CHKA: variants seen among roughly 807,000 people sequenced by gnomAD.
CHKA encodes choline kinase alpha.
In CHKA, 34 loss-of-function variants were observed where a neutral mutation model predicts 60.1. That is an observed-to-expected ratio of 0.57 (90% CI 0.43 to 0.75). The LOEUF (loss-of-function observed/expected upper bound fraction) is 0.75, where lower values mean the gene tolerates loss of function less well. Among genes scored for constraint, CHKA ranks in the 30% least tolerant of loss-of-function variants. The pLI, the probability that CHKA is intolerant of heterozygous loss-of-function variation, is 0.00. For missense variants in CHKA, 563 were observed against 561.3 expected, an observed-to-expected ratio of 1.00 and a Z score of -0.03; for synonymous variants, 217 against 223.1, an observed-to-expected ratio of 0.97 and a Z score of 0.24.
In CHKA at chr11:68,073,430, G is replaced by T. The variant is rs1049714565; in HGVS notation, c.630+1287C>A. ...GCACTTTGGGAGGCCAAGGCGGGTG[G>T]ATCACCTGAGGTCGGGAGTTCGAGA... On this transcript the variant is annotated intron_variant, in intron 4 of 11. Transcript: ENST00000265689. Among the ~76,000 whole-genome samples the T allele has an allele frequency of 2.6e-5, 4 of 152,174 alleles. 1 individual carries two copies. The highest frequency in any genetic ancestry group is 5.9e-5 in the Non-Finnish European group (4 of 68,036).
Position 68,054,031 on chromosome 11 carries a change from C to T in CHKA, c.1331G>A (p.Arg444Lys), listed in dbSNP as rs1565168504. The change falls in exon 12 of 12, where the codon AGG (arginine) becomes AAG (lysine). Residue 444 changes from arginine (R) to lysine (K), a missense_variant. Physicochemically the swap from Arg to Lys is conservative, Grantham distance 26. Coordinates refer to ENST00000265689, the MANE Select transcript of CHKA (RefSeq NM_001277.3). ...EFGYMDYAQA[R>K]FDAYFHQKRK... ...CTTCTGGTGGAAATAGGCATCAAAC[C>T]TTGCTTGGGCGTAGTCCTAGGAGAC... 2 of 1,613,248 alleles carry T rather than the reference C, an allele frequency of 1.2e-6. No individual in the cohort carries two copies. Among genetic ancestry groups the T allele is most frequent in the Non-Finnish European group, 8.5e-7 (1 of 1,179,640 alleles).
chr11:68,112,091 C>G (rs1321575033), intron 1 of CHKA, among the ~76,000 whole-genome samples: 14 of 23,714 alleles, frequency 5.9e-4, no homozygotes, highest in African/African-American at 2.7e-3. Context: ...CCTGGAACAA[C>G]GGGACGTCCA....
intron 1 of CHKA, among the ~76,000 whole-genome samples, chr11:68,113,100 A>AG: frequency 7.0e-6 from 1 of 142,536 alleles, no homozygotes; most frequent in East Asian, 2.0e-4. Flanking sequence ...AAAAAAAAAA[A>AG]AAAAAAAAAA....
chr11:68,121,040 C>G lies in CHKA; in HGVS notation c.138G>C (p.Lys46Asn), dbSNP rs974591228. ...QRDAASDLES[K>N]QLGGQQPPLA... ...GCGGCGGCTGTTGGCCGCCCAGCTG[C>G]TTGGACTCGAGGTCGCTGGCGGCGT... The change falls in exon 1 of 12, where the codon AAG (lysine) becomes AAC (asparagine). Residue 46 changes from lysine (K) to asparagine (N), a missense_variant. Coordinates refer to ENST00000265689, the MANE Select transcript of CHKA (RefSeq NM_001277.3). 2 of 1,107,126 alleles carry G rather than the reference C, an allele frequency of 1.8e-6. No individual in the cohort carries two copies. Among genetic ancestry groups the G allele is most frequent in the Non-Finnish European group, 2.2e-6 (2 of 909,248 alleles). The allele number at this position is 1,107,126 out of a possible 1,614,324, so 68.6% of individuals were successfully genotyped here.
At chr11:68,082,667 T>A (rs1857022341) in intron 2 of CHKA, 1 of 152,550 alleles carries the variant, frequency 6.6e-6, no homozygotes, top group South Asian at 2.1e-4. Flanking sequence ...TTTTAATGCA[T>A]GTTTTGTATA....
chr11:68,074,702 A>T lies in CHKA; in HGVS notation c.630+15T>A. 1 of 1,612,720 alleles carries T rather than the reference A, an allele frequency of 6.2e-7. No individual in the cohort carries two copies. Among genetic ancestry groups the T allele is most frequent in the South Asian group, 1.1e-5 (1 of 91,064 alleles). ...TGTGGCATATGTCAACTAAGCGTTTATGAACAAATCTTACCGGGATGAACT... is the reference window on the plus strand; with the variant it reads ...TGTGGCATATGTCAACTAAGCGTTTTTGAACAAATCTTACCGGGATGAACT... On this transcript the variant is annotated intron_variant, in intron 4 of 11. Transcript: ENST00000265689.
At chr11:68,067,789 T>G (rs1351122058) in intron 7 of CHKA, among the ~76,000 whole-genome samples, 1 of 152,176 alleles carries the variant, frequency 6.6e-6, no homozygotes, top group Non-Finnish European at 1.5e-5. Flanking sequence ...AAGCTGTAGC[T>G]GTAATGTCTA....
Position 68,070,261 on chromosome 11 carries a change from G to A in CHKA, c.797C>T (p.Thr266Ile). The A allele has an allele frequency of 6.2e-7, 1 of 1,613,822 alleles. No homozygotes were observed. Among genetic ancestry groups the A allele is most frequent in the East Asian group, 2.2e-5 (1 of 44,888 alleles). Residue 266 changes from threonine to isoleucine, a missense_variant, in exon 6 of 12, where the codon ACT becomes ATT. Physicochemically the swap from Thr to Ile is moderately conservative, Grantham distance 89. Coordinates refer to ENST00000265689, the MANE Select transcript of CHKA (RefSeq NM_001277.3). ...GAGCTTTTTAATTCTGGATTCCTCAGTAAATTTAATTCTCAGCACTTCCTT... is the reference window on the plus strand; with the variant it reads ...GAGCTTTTTAATTCTGGATTCCTCAATAAATTTAATTCTCAGCACTTCCTT... Reference protein sequence around the residue: ...YLKEVLRIKFTEESRIKKLHK... With the variant: ...YLKEVLRIKFIEESRIKKLHK...
At chr11:68,097,230 G>A in intron 1 of CHKA, 100 bp from the exon 2 acceptor site, 1 of 741,952 alleles carries the variant, frequency 1.3e-6, no homozygotes, top group Non-Finnish European at 2.2e-6. Flanking sequence ...CACAAGAACT[G>A]TTCTCATCTT....
intron 7 of CHKA, 56 bp from the exon 8 acceptor site, chr11:68,066,572 T>G (rs1856452634): frequency 3.0e-6 from 4 of 1,327,380 alleles, no homozygotes; most frequent in Non-Finnish European, 4.3e-6. Flanking sequence ...CTCAAGTCCT[T>G]GAACAGCAGA....
At chr11:68,084,262 A>C (rs1158302168) in intron 2 of CHKA, among the ~76,000 whole-genome samples, 1 of 147,896 alleles carries the variant, frequency 6.8e-6, no homozygotes, top group East Asian at 2.0e-4. Context: ...AAAAAAAAAA[A>C]TACATATATA....
chr11:68,113,778 T>C (rs1365656796), intron 1 of CHKA, among the ~76,000 whole-genome samples: 1 of 151,710 alleles, frequency 6.6e-6, no homozygotes, highest in Non-Finnish European at 1.5e-5. Flanking sequence ...GTGGATCACC[T>C]GAGGTTAGGA....
intron 11 of CHKA, among the ~76,000 whole-genome samples, chr11:68,057,022 C>T (rs1321380085): frequency 6.6e-6 from 1 of 152,142 alleles, no homozygotes; most frequent in Non-Finnish European, 1.5e-5. Flanking sequence ...GTCTTAAGGT[C>T]TCAACCCTCA....
At chr11:68,119,639 T>G (rs1858528025) in intron 1 of CHKA, among the ~76,000 whole-genome samples, 1 of 152,004 alleles carries the variant, frequency 6.6e-6, no homozygotes, top group Admixed American at 6.6e-5. Flanking sequence ...CCAGCTAATT[T>G]TTGTATTTTT....
intron 2 of CHKA, among the ~76,000 whole-genome samples, chr11:68,094,047 C>T (rs1857429127): frequency 6.6e-6 from 1 of 152,148 alleles, no homozygotes; most frequent in Admixed American, 6.5e-5. Flanking sequence ...AGAGGAGCAC[C>T]TTGTAACACA....
chr11:68,096,465 A>G (rs1038714204), intron 2 of CHKA, among the ~76,000 whole-genome samples: 11 of 152,176 alleles, frequency 7.2e-5, no homozygotes, highest in African/African-American at 2.7e-4. Flanking sequence ...GGGATATCCT[A>G]TAACTGGATA....
At position 68,070,171 on chromosome 11, in the gene CHKA, A is replaced by T. The variant is rs1478509811; in HGVS notation, c.869+18T>A. 6.4e-7 allele frequency: 1 copy of T among 1,550,676 alleles called. No individual in the cohort carries two copies. Among genetic ancestry groups the T allele is most frequent in the Non-Finnish European group, 8.9e-7 (1 of 1,123,202 alleles). ...TGACTAAGAATATTTAAAGTCAGGA[A>T]ATAGAAGGAAAACTCACCTCAGGTT... is the stretch of plus-strand genomic sequence containing the variant. On this transcript the variant is annotated intron_variant, in intron 6 of 11. Transcript: ENST00000265689.
At chr11:68,088,616 C>A (rs1375872025) in intron 2 of CHKA, among the ~76,000 whole-genome samples, 1 of 152,022 alleles carries the variant, frequency 6.6e-6, no homozygotes, top group Non-Finnish European at 1.5e-5. Flanking sequence ...GTGACTCTTT[C>A]AATTAACATT....
At chr11:68,112,639 A>G (rs540979181) in intron 1 of CHKA, among the ~76,000 whole-genome samples, 11 of 152,346 alleles carry the variant, frequency 7.2e-5, no homozygotes, top group African/African-American at 2.6e-4. Context: ...AAAATTAAAA[A>G]CTGCTTTGCA....
Sources: allele counts gnomAD v4.1 joint callset (sites outside exome capture counted in the v4.1 genomes callset), GRCh38; gene constraint gnomAD v4.1.1; transcripts MANE v1.5; gene names NCBI Gene and HGNC (gene_info 2026-07-23, HGNC 2026-07-21).